Variants in YWHAQ observed in about 807,000 individuals in gnomAD.
The protein encoded by YWHAQ is 14-3-3 protein theta.
A neutral mutation model predicts 28.3 loss-of-function variants in YWHAQ; 6 were observed. The ratio of observed to expected loss-of-function variants is 0.21; its 90% CI spans 0.12 to 0.42. The LOEUF is 0.42. Among genes scored for constraint, YWHAQ ranks in the 10% least tolerant of loss-of-function variants. YWHAQ has a pLI of 1.00. For missense variants in YWHAQ, 201 were observed against 305.6 expected, an observed-to-expected ratio of 0.66 and a Z score of 2.55; for synonymous variants, 143 against 119.1, an observed-to-expected ratio of 1.20 and a Z score of -1.31.
chr2:9,595,966 T>C (rs575901501), intron 2 of YWHAQ, among the ~76,000 whole-genome samples: 1 of 152,084 alleles, frequency 6.6e-6, no homozygotes, highest in East Asian at 1.9e-4. Context: ...CTACCCACAA[T>C]AAAAGATGAA....
At chr2:9,592,483 T>G (rs762241055) in intron 2 of YWHAQ, among the ~76,000 whole-genome samples, 1 of 152,070 alleles carries the variant, frequency 6.6e-6, no homozygotes, top group Non-Finnish European at 1.5e-5. Context: ...CCCAGCACTT[T>G]AGGATGCCAA....
intron 2 of YWHAQ, among the ~76,000 whole-genome samples, chr2:9,616,829 T>C (rs1667050220): frequency 1.3e-5 from 2 of 152,212 alleles, no homozygotes; most frequent in South Asian, 4.1e-4. Flanking sequence ...TAAATGGGTA[T>C]ATACACAAGA....
chr2:9,589,688 G>A (rs890757236), intron 3 of YWHAQ, among the ~76,000 whole-genome samples: 23 of 152,122 alleles, frequency 1.5e-4, no homozygotes, highest in Non-Finnish European at 3.2e-4. Flanking sequence ...CTGATTTGCA[G>A]AAATACTGAT....
intron 2 of YWHAQ, among the ~76,000 whole-genome samples, chr2:9,597,715 G>A (rs898299574): frequency 1.2e-4 from 18 of 150,722 alleles, no homozygotes; most frequent in African/African-American, 4.1e-4. Flanking sequence ...CCCCATTCTG[G>A]TGCCCATGTT....
intron 2 of YWHAQ, among the ~76,000 whole-genome samples, chr2:9,593,789 C>T (rs185460164): frequency 3.7e-4 from 56 of 151,834 alleles, no homozygotes; most frequent in African/African-American, 1.3e-3. Context: ...GATCGTGCCA[C>T]TGCATTCCAG....
chr2:9,585,854 A>G (rs1572983768), intron 5 of YWHAQ, among the ~76,000 whole-genome samples: 1 of 148,270 alleles, frequency 6.7e-6, no homozygotes, highest in African/African-American at 2.5e-5. Context: ...TTGAGGCTGG[A>G]GTGATCCATG....
chr2:9,624,234 C>T (rs1209865318), intron 2 of YWHAQ, among the ~76,000 whole-genome samples: 1 of 152,120 alleles, frequency 6.6e-6, no homozygotes. Flanking sequence ...CCAGCCTAGG[C>T]CACAGAGCCA....
chr2:9,585,989 T>G (rs1666337143), intron 5 of YWHAQ, among the ~76,000 whole-genome samples: 1 of 152,112 alleles, frequency 6.6e-6, no homozygotes, highest in Non-Finnish European at 1.5e-5. Flanking sequence ...TAGTCTCTAT[T>G]CCCAGCAGCC....
Position 9,584,344 on chromosome 2 carries a change from G to A in YWHAQ, c.*942C>T, listed in dbSNP as rs1394785759. 6.6e-6 allele frequency: 1 copy of A among 152,494 alleles called. No homozygotes were observed. The highest frequency in any genetic ancestry group is 2.4e-5 in the African/African-American group (1 of 41,404). The allele number at this position is 152,494 out of a possible 1,614,324, so 9.4% of individuals were successfully genotyped here. ...TAACATTTTCACAAGGCTTTTTTGG[G>A]ACTACAGTCAATGATTAGCAACACA... On this transcript the variant is annotated 3_prime_UTR_variant, in exon 6 of 6. Coordinates refer to ENST00000238081, the MANE Select transcript of YWHAQ (RefSeq NM_006826.4).
intron 3 of YWHAQ, among the ~76,000 whole-genome samples, chr2:9,589,591 T>A (rs1666417394): frequency 6.6e-6 from 1 of 151,980 alleles, no homozygotes; most frequent in Admixed American, 6.6e-5. Context: ...TCAAAATTAA[T>A]AATAATAATA....
chr2:9,612,709 A>G (rs1277914890), intron 2 of YWHAQ, among the ~76,000 whole-genome samples: 1 of 152,242 alleles, frequency 6.6e-6, no homozygotes, highest in Non-Finnish European at 1.5e-5. Flanking sequence ...GGAATACAGC[A>G]GGTATTGGGA....
At chr2:9,618,612 C>T (rs906255075) in intron 2 of YWHAQ, among the ~76,000 whole-genome samples, 1 of 151,980 alleles carries the variant, frequency 6.6e-6, no homozygotes, top group Non-Finnish European at 1.5e-5. Context: ...GCTTAAGAGA[C>T]CCTCTTGCCT....
chr2:9,615,024 T>A (rs1230451046), intron 2 of YWHAQ, among the ~76,000 whole-genome samples: 1 of 152,188 alleles, frequency 6.6e-6, no homozygotes, highest in African/African-American at 2.4e-5. Context: ...CATGAAGTAG[T>A]GTTTAACAGT....
chr2:9,601,676 C>CA (rs200944092), intron 2 of YWHAQ, among the ~76,000 whole-genome samples: 2,459 of 152,156 alleles, frequency 0.016, 105 homozygotes, highest in Admixed American at 0.07. Context: ...GACAGAATCT[C>CA]ACTCTGTCAC....
chr2:9,628,402 C>T (rs1402064969), intron 2 of YWHAQ, among the ~76,000 whole-genome samples: 1 of 152,170 alleles, frequency 6.6e-6, no homozygotes, highest in Admixed American at 6.5e-5. Context: ...CAAAACTCTT[C>T]CCCGACTTAC....
At chr2:9,625,668 C>T (rs1275626674) in intron 2 of YWHAQ, among the ~76,000 whole-genome samples, 4 of 152,162 alleles carry the variant, frequency 2.6e-5, no homozygotes, top group Non-Finnish European at 5.9e-5. Flanking sequence ...AACAGAGATA[C>T]TATCAACCTA....
chr2:9,587,586 A>C (rs1666370415), intron 4 of YWHAQ, 77 bp from the exon 5 acceptor site: 2 of 1,322,864 alleles, frequency 1.5e-6, no homozygotes, highest in South Asian at 2.8e-5. Flanking sequence ...AACCATTTTT[A>C]CAAAATAAGT....
chr2:9,587,371 T>C (rs1309705931), intron 5 of YWHAQ, 43 bp downstream of exon 5: 1 of 1,542,442 alleles, frequency 6.5e-7, no homozygotes, highest in Non-Finnish European at 8.8e-7. Context: ...TAAATACTTT[T>C]GTTTCTGAAA....
chr2:9,629,490 C>T (rs139526706), intron 2 of YWHAQ, among the ~76,000 whole-genome samples: 1 of 152,200 alleles, frequency 6.6e-6, no homozygotes, highest in African/African-American at 2.4e-5. Flanking sequence ...CTGCTCCACA[C>T]TGGAAACGAA....
Sources: allele counts gnomAD v4.1 joint callset (sites outside exome capture counted in the v4.1 genomes callset), GRCh38; gene constraint gnomAD v4.1.1; transcripts MANE v1.5; gene names NCBI Gene and HGNC (gene_info 2026-07-23, HGNC 2026-07-21).